Variants in SYNPR observed in about 807,000 individuals in gnomAD.
SYNPR encodes the protein synaptoporin.
In SYNPR, 23 loss-of-function variants were observed where a neutral mutation model predicts 32.9. That is an observed-to-expected ratio of 0.70 (90% confidence interval 0.50 to 0.99). The LOEUF is 0.99. SYNPR is among the 50% of genes least tolerant of loss of function. The probability of loss-of-function intolerance (pLI) is 0.00; values close to 1 mark genes in which losing one functional copy is unlikely to be tolerated. For synonymous variants in SYNPR, 146 were observed against 135.9 expected, an observed-to-expected ratio of 1.07 and a Z score of -0.52; for missense variants, 318 against 349.3, an observed-to-expected ratio of 0.91 and a Z score of 0.71.
At chr3:63,232,066 G>GA (rs879558877) in intron 1 of SYNPR, among the ~76,000 whole-genome samples, 7 of 151,976 alleles carry the variant, frequency 4.6e-5, no homozygotes, top group South Asian at 2.1e-4. Flanking sequence ...TAATACAGTG[G>GA]AAAAAAGCAC....
chr3:63,397,960 C>T (rs995346829), intron 2 of SYNPR, among the ~76,000 whole-genome samples: 2 of 152,128 alleles, frequency 1.3e-5, no homozygotes, highest in Middle Eastern at 3.2e-3. Context: ...GTAAAATACT[C>T]ACGATATAAT....
At chr3:63,314,562 T>C (rs1238986561) in intron 2 of SYNPR, among the ~76,000 whole-genome samples, 4 of 152,050 alleles carry the variant, frequency 2.6e-5, no homozygotes, top group African/African-American at 2.4e-5. Context: ...TTGCCCACTT[T>C]TTGATGGGAT....
chr3:63,585,237 A>G (rs1291124608), intron 4 of SYNPR, among the ~76,000 whole-genome samples: 2 of 152,172 alleles, frequency 1.3e-5, no homozygotes, highest in Non-Finnish European at 2.9e-5. Context: ...AGCATGCAAC[A>G]TAAGCTTTGA....
chr3:63,559,652 T>G (rs1702651403), intron 4 of SYNPR, among the ~76,000 whole-genome samples: 2 of 149,834 alleles, frequency 1.3e-5, no homozygotes, highest in Admixed American at 1.3e-4. Context: ...CACTTTAATA[T>G]GTTAACTTAA....
chr3:63,431,014 G>C (rs1238531943), intron 2 of SYNPR, among the ~76,000 whole-genome samples: 1 of 152,154 alleles, frequency 6.6e-6, no homozygotes, highest in African/African-American at 2.4e-5. Context: ...TTTCAGCAGA[G>C]TGAGATATGG....
intron 2 of SYNPR, among the ~76,000 whole-genome samples, chr3:63,403,083 T>C (rs189976647): frequency 2.0e-5 from 3 of 152,302 alleles, no homozygotes; most frequent in East Asian, 3.9e-4. Context: ...AGTTTACTTC[T>C]TCCCGAGTAA....
At chr3:63,400,616 G>A (rs2088278178) in intron 2 of SYNPR, among the ~76,000 whole-genome samples, 1 of 152,140 alleles carries the variant, frequency 6.6e-6, no homozygotes, top group South Asian at 2.1e-4. Flanking sequence ...GAGATAACCT[G>A]GGAAGTCATA....
intron 2 of SYNPR, among the ~76,000 whole-genome samples, chr3:63,353,106 C>T (rs889471849): frequency 1.3e-5 from 2 of 152,198 alleles, no homozygotes; most frequent in Non-Finnish European, 2.9e-5. Flanking sequence ...AGAGCAACTC[C>T]ATTCCAGGTT....
intron 2 of SYNPR, among the ~76,000 whole-genome samples, chr3:63,287,660 A>G (rs1419761023): frequency 6.6e-6 from 1 of 152,214 alleles, no homozygotes; most frequent in Non-Finnish European, 1.5e-5. Context: ...ATGAGAGAAG[A>G]AGGAGGGAAG....
chr3:63,608,563 T>C (rs1700155795), intron 4 of SYNPR, among the ~76,000 whole-genome samples: 1 of 152,136 alleles, frequency 6.6e-6, no homozygotes, highest in Admixed American at 6.6e-5. Context: ...CAATAACATA[T>C]AGATAACACA....
intron 4 of SYNPR, among the ~76,000 whole-genome samples, chr3:63,570,407 C>G (rs1702864210): frequency 6.6e-6 from 1 of 152,224 alleles, no homozygotes; most frequent in East Asian, 1.9e-4. Flanking sequence ...TCAAGGCCCT[C>G]CTAAGCGTTC....
chr3:63,401,548 G>A (rs1008544246), intron 2 of SYNPR, among the ~76,000 whole-genome samples: 9 of 152,104 alleles, frequency 5.9e-5, no homozygotes, highest in South Asian at 2.1e-4. Context: ...GAAAAGCTTC[G>A]TTATCTGCAC....
At position 63,318,264 on chromosome 3, in the gene SYNPR, G is replaced by T. The variant is rs369007543; in HGVS notation, c.84+39522G>T. Among the ~76,000 whole-genome samples, 12 of 152,028 alleles carry T rather than the reference G, an allele frequency of 7.9e-5. No individual in the cohort carries two copies. The East Asian group carries it at 1.6e-3, about 20-fold the overall frequency. Reference sequence around the variant, plus strand: ...AGATCTTTTTGCGATGAATTTCCAAGGGTTCTTTGTGCTTCTTGTATTTGG... The same window carrying T: ...AGATCTTTTTGCGATGAATTTCCAATGGTTCTTTGTGCTTCTTGTATTTGG... On this transcript the variant is annotated intron_variant, in intron 2 of 5. Transcript: ENST00000478300.
intron 2 of SYNPR, among the ~76,000 whole-genome samples, chr3:63,381,533 C>T (rs896539893): frequency 2.1e-4 from 32 of 152,320 alleles, no homozygotes; most frequent in African/African-American, 7.5e-4. Context: ...TGACTTTCTT[C>T]ACAGAACTGG....
chr3:63,274,517 A>G (rs1488157945), upstream of SYNPR, among the ~76,000 whole-genome samples: 2 of 152,240 alleles, frequency 1.3e-5, no homozygotes, highest in Admixed American at 6.5e-5. Context: ...TTGAGATTCA[A>G]AATGGTTGGT....
At chr3:63,540,891 T>TACACAC (rs34925541) in intron 3 of SYNPR, among the ~76,000 whole-genome samples, 21,300 of 122,242 alleles carry the variant, frequency 0.17, 1,710 homozygotes, top group Admixed American at 0.23. Context: ...CTATCACTCC[T>TACACAC]ACACACACAC....
intron 4 of SYNPR, among the ~76,000 whole-genome samples, chr3:63,572,861 C>T (rs1230416230): frequency 6.6e-6 from 1 of 152,102 alleles, no homozygotes; most frequent in Non-Finnish European, 1.5e-5. Context: ...ACTGCTTTCT[C>T]ATTTTTAATA....
intron 2 of SYNPR, among the ~76,000 whole-genome samples, chr3:63,478,757 GA>G (rs1290203083): frequency 1.3e-5 from 2 of 152,144 alleles, no homozygotes; most frequent in Non-Finnish European, 2.9e-5. Flanking sequence ...TACAGATGAG[GA>G]AACTTGGAGA....
intron 3 of SYNPR, among the ~76,000 whole-genome samples, chr3:63,491,695 A>G (rs1041971313): frequency 6.6e-6 from 1 of 151,868 alleles, no homozygotes; most frequent in Non-Finnish European, 1.5e-5. Flanking sequence ...TAATTTTTGT[A>G]TTTTTACTAG....
Sources: gnomAD v4.1 joint callset for allele counts (sites outside exome capture counted in the v4.1 genomes callset) on GRCh38, gnomAD v4.1.1 for gene constraint, MANE v1.5 for transcripts, NCBI Gene and HGNC (gene_info 2026-07-23, HGNC 2026-07-21) for gene names.